The following COG8 variants were observed in gnomAD, a reference collection of about 807,000 sequenced individuals.
COG8 encodes the protein conserved oligomeric Golgi complex subunit 8.
Under a neutral mutation model 46.5 loss-of-function variants are expected in COG8, and 45 were observed. The observed-to-expected ratio is 0.97, with a 90% CI of 0.76 to 1.24. The LOEUF is 1.24. Among genes scored for constraint, COG8 ranks in the 50% most tolerant of loss-of-function variants. The probability of loss-of-function intolerance (pLI) is 0.00; values close to 1 mark genes in which losing one functional copy is unlikely to be tolerated. For synonymous variants in COG8, 407 were observed against 347.8 expected (o/e 1.17, Z -1.90); for missense variants, 793 against 820.8 (o/e 0.97, Z 0.41).
intron 4 of COG8, among the ~76,000 whole-genome samples, chr16:69,331,477 A>G (rs77548036): frequency 3.5e-5 from 5 of 143,234 alleles, no homozygotes; most frequent in South Asian, 2.3e-4. Flanking sequence ...AAAAAAAAAA[A>G]GGAAATTTAA....
At chr16:69,329,957 C>T (rs556651617) in intron 5 of COG8, 3 of 1,493,772 alleles carry the variant, frequency 2.0e-6, no homozygotes. Context: ...AGAAGAGACG[C>T]GCGCGCTGCT....
rs1965621767 is a variant in COG8 at position 69,327,212 on chromosome 16, G to T, written c.*1994C>A. ...AGACAGAGCCTTGGTCTGTCGCCCAGGCTGGAGTACAGTGGCGAGATCTCA... is the reference window on the plus strand; with the variant it reads ...AGACAGAGCCTTGGTCTGTCGCCCATGCTGGAGTACAGTGGCGAGATCTCA... On this transcript the variant is annotated 3_prime_UTR_variant, in exon 6 of 6. Transcript: ENST00000306875. 7.4e-6 allele frequency: 1 copy of T among 134,856 alleles called. No individual in the cohort carries two copies. The allele number at this position is 134,856 out of a possible 1,614,324, so 8.4% of individuals were successfully genotyped here. A position where few individuals can be genotyped will look rare whatever the true frequency, so the allele number is the denominator to read the frequency against.
chr16:69,338,656 G>C (rs936745066), intron 1 of COG8: 12 of 155,094 alleles, frequency 7.7e-5, no homozygotes, highest in African/African-American at 2.6e-4. Flanking sequence ...TGTGTCCTTG[G>C]ACGTCACTAA....
rs72795276 is a variant in COG8 at position 69,333,083 on chromosome 16, G to A, written c.1414-201C>T. 0.059 allele frequency among the ~76,000 whole-genome samples: 8,984 copies of A among 151,970 alleles called. 285 individuals are homozygous for A. Among genetic ancestry groups the A allele is most frequent in the South Asian group, 0.083 (397 of 4,806 alleles). On this transcript the variant is annotated intron_variant, in intron 3 of 5. Coordinates refer to ENST00000306875, the MANE Select transcript of COG8 (RefSeq NM_032382.5). ...TGTCACTTTATTAATGTGAAGTTCA[G>A]ACCCAACTTGTTACATTACGGGTAT...
At chr16:69,331,847 G>C (rs1052499411) in intron 4 of COG8, among the ~76,000 whole-genome samples, 8 of 152,272 alleles carry the variant, frequency 5.3e-5, no homozygotes, top group African/African-American at 1.9e-4. Flanking sequence ...TTGTTACAGG[G>C]AATGGGAAGC....
At chr16:69,337,526 A>G (rs1053126112) in intron 1 of COG8, among the ~76,000 whole-genome samples, 12 of 152,192 alleles carry the variant, frequency 7.9e-5, no homozygotes, top group African/African-American at 2.7e-4. Flanking sequence ...CTAATGTTCA[A>G]CCATAGTTCC....
chr16:69,332,298 C>G (rs551183120), intron 4 of COG8, among the ~76,000 whole-genome samples: 6 of 151,520 alleles, frequency 4.0e-5, no homozygotes, highest in Non-Finnish European at 7.4e-5. Flanking sequence ...TGCAGTGAGC[C>G]AAGACTGTGC....
intron 5 of COG8, among the ~76,000 whole-genome samples, chr16:69,329,782 G>A (rs1325219509): frequency 2.0e-5 from 3 of 152,222 alleles, no homozygotes; most frequent in Admixed American, 1.3e-4. Context: ...AGGTAACAGC[G>A]GAACTAGGGG....
intron 5 of COG8, chr16:69,330,317 G>A (rs909424592): frequency 1.5e-5 from 22 of 1,441,522 alleles, no homozygotes; most frequent in Non-Finnish European, 1.9e-5. Flanking sequence ...GCCTAGCTGC[G>A]CCCGCTCCAC....
At position 69,330,374 on chromosome 16, in the gene COG8, T is replaced by A. The variant is rs1407216754; in HGVS notation, c.*26+439A>T. ...CACCGGGTCCCCGACTTGGCACACGTGCGAGAACGGCGGTTCGGGAGGACC... is the reference window on the plus strand; with the variant it reads ...CACCGGGTCCCCGACTTGGCACACGAGCGAGAACGGCGGTTCGGGAGGACC... On this transcript the variant is annotated intron_variant, in intron 5 of 5. Coordinates refer to ENST00000306875, the MANE Select transcript of COG8 (RefSeq NM_032382.5). 5.4e-6 allele frequency: 8 copies of A among 1,479,408 alleles called. No homozygotes were observed. The East Asian group carries it at 2.1e-4, about 39-fold the overall frequency. The allele number at this position is 1,479,408 out of a possible 1,614,324, so 91.6% of individuals were successfully genotyped here.
In COG8 at chr16:69,334,878, A is replaced by G; in HGVS notation, c.1056T>C (p.Phe352=). 3.7e-6 allele frequency: 6 copies of G among 1,614,192 alleles called. No individual in the cohort carries two copies. Among genetic ancestry groups the G allele is most frequent in the Non-Finnish European group, 5.1e-6 (6 of 1,180,034 alleles). The change falls in exon 3 of 6, where the codon TTT becomes TTC. Residue 352 remains phenylalanine, a synonymous_variant. Coordinates refer to ENST00000306875, the MANE Select transcript of COG8 (RefSeq NM_032382.5). The part of the protein sequence containing the change: ...LDSLLGQCMY[F]GLSFSRVGAD... The stretch of plus-strand genomic sequence containing the variant: ...CTCCCACCCGGCTGAAGGACAGCCC[A>G]AAGTACATGCACTGGCCCAGCAGAG...
At chr16:69,337,510 C>T (rs1158851225) in intron 1 of COG8, among the ~76,000 whole-genome samples, 1 of 152,166 alleles carries the variant, frequency 6.6e-6, no homozygotes, top group Admixed American at 6.6e-5. Context: ...TTCATCTTCT[C>T]CTATGCTAAT....
In COG8 at chr16:69,336,567, G is replaced by A. The variant is rs780005639; in HGVS notation, c.523C>T (p.Leu175=). 1.1e-5 allele frequency: 18 copies of A among 1,614,050 alleles called. No homozygotes were observed. Among genetic ancestry groups the A allele is most frequent in the Non-Finnish European group, 1.5e-5 (18 of 1,180,032 alleles). The change falls in exon 2 of 6, where the codon CTG becomes TTG. Residue 175 remains leucine, a synonymous_variant. Coordinates refer to ENST00000306875, the MANE Select transcript of COG8 (RefSeq NM_032382.5). ...CVRNSYYEEA[L]ELAAYVRRLE... The stretch of plus-strand genomic sequence containing the variant: ...CGGCGTACGTAGGCTGCAAGCTCCA[G>A]GGCCTCTTCATAATAACTGTTCCGG...
chr16:69,329,734 CAG>C (rs1965725622), intron 5 of COG8, among the ~76,000 whole-genome samples: 2 of 152,330 alleles, frequency 1.3e-5, no homozygotes, highest in South Asian at 4.1e-4. Context: ...GTGTTTGCCT[CAG>C]AGAGCAAGGG....
chr16:69,332,665 T>A, intron 4 of COG8, 49 bp downstream of exon 4: 1 of 1,479,776 alleles, frequency 6.8e-7, no homozygotes, highest in Middle Eastern at 1.8e-4. Context: ...TTATTTAGTA[T>A]GTGAATTACA....
rs906691714 is a variant in COG8 at position 69,336,395 on chromosome 16, A to C, written c.585+110T>G. ...TTCTGTTCAGGCATACCTGGCTGGC[A>C]GAAACTGATGTGAAACATGCAAGAG... is the stretch of plus-strand genomic sequence containing the variant. On this transcript the variant is annotated intron_variant, in intron 2 of 5. Coordinates refer to ENST00000306875, the MANE Select transcript of COG8 (RefSeq NM_032382.5). 1.7e-5 allele frequency: 17 copies of C among 996,272 alleles called. No individual in the cohort carries two copies. The Admixed American group carries it at 3.7e-4, about 22-fold the overall frequency. 61.7% of individuals were successfully genotyped at this position (996,272 alleles called of 1,614,324 possible). A position where few individuals can be genotyped will look rare whatever the true frequency, so the allele number is the denominator to read the frequency against.
chr16:69,336,679 G>T lies in COG8; in HGVS notation c.411C>A (p.Ser137=). Residue 137 remains serine (S), a synonymous_variant, in exon 2 of 6, where the codon TCC becomes TCA. Coordinates refer to ENST00000306875, the MANE Select transcript of COG8 (RefSeq NM_032382.5). The stretch of plus-strand genomic sequence containing the variant: ...GGGTCAGGCTATTCATCCGGCGGTT[G>T]GAGCTGATCTCCTCGGCTTCCTTCA... ...NFVKEAEEIS[S]NRRMNSLTLN... is the part of the protein sequence containing the mutation. 1 of 1,614,124 alleles carries T rather than the reference G, an allele frequency of 6.2e-7. No individual in the cohort carries two copies. The highest frequency in any genetic ancestry group is 8.5e-7 in the Non-Finnish European group (1 of 1,180,026).
In COG8 at chr16:69,327,233, TCTC is replaced by T. The variant is rs1965622760; in HGVS notation, c.*1970_*1972del. The stretch of plus-strand genomic sequence containing the variant: ...CCCAGGCTGGAGTACAGTGGCGAGA[TCTC>T]AGCCCACTGCAACCTCTGCCTCCCA... On this transcript the variant is annotated 3_prime_UTR_variant, in exon 6 of 6. Coordinates refer to ENST00000306875, the MANE Select transcript of COG8 (RefSeq NM_032382.5). 1 of 142,876 alleles carries T rather than the reference TCTC, an allele frequency of 7.0e-6. No homozygotes were observed. Among genetic ancestry groups the T allele is most frequent in the Non-Finnish European group, 1.5e-5 (1 of 66,574 alleles). The allele number at this position is 142,876 out of a possible 1,614,324, so 8.9% of individuals were successfully genotyped here.
intron 5 of COG8, among the ~76,000 whole-genome samples, chr16:69,329,499 CAG>C (rs1965714312): frequency 6.6e-6 from 1 of 152,220 alleles, no homozygotes; most frequent in East Asian, 1.9e-4. Flanking sequence ...CAACTCCTAA[CAG>C]AGGTTCTGCA....
Sources: allele counts gnomAD v4.1 joint callset (sites outside exome capture counted in the v4.1 genomes callset), GRCh38; gene constraint gnomAD v4.1.1; transcripts MANE v1.5; gene names NCBI Gene and HGNC (gene_info 2026-07-23, HGNC 2026-07-21).